Variants in PPARD observed in about 807,000 individuals in gnomAD.
PPARD encodes the protein peroxisome proliferator activated receptor delta.
Under a neutral mutation model 39.5 loss-of-function variants are expected in PPARD, and 6 were observed. That is an observed-to-expected ratio of 0.15 (90% CI 0.08 to 0.30). PPARD has a LOEUF of 0.30. Ranked by LOEUF, PPARD falls within the 10% of genes least tolerant of loss-of-function variation. The pLI is 1.00. For missense variants in PPARD, 397 were observed against 596.8 expected (o/e 0.67, Z 3.49); for synonymous variants, 210 against 231.3 (o/e 0.91, Z 0.83).
Position 35,401,942 on chromosome 6 carries a change from G to T in PPARD, c.-101-9045G>T, listed in dbSNP as rs2150733533. ...TGGTGAGTCTCTCTGCTGGCCGGCAGAACCACCCTACCCTGGAAGCCCTCT... is the reference window on the plus strand; with the variant it reads ...TGGTGAGTCTCTCTGCTGGCCGGCATAACCACCCTACCCTGGAAGCCCTCT... On this transcript the variant is annotated intron_variant, in intron 2 of 7. Transcript: ENST00000360694. This position sits in a 1 kb window ranked among gnomAD's most constrained non-coding sequence, Gnocchi z 4.1. 6.6e-6 allele frequency among the ~76,000 whole-genome samples: 1 copy of T among 152,098 alleles called. No homozygotes were observed. The highest frequency in any genetic ancestry group is 1.9e-4 in the East Asian group (1 of 5,172).
chr6:35,377,869 A>ATATTTTTTTTTTTTTTTTTTT (rs1478712456), intron 2 of PPARD, among the ~76,000 whole-genome samples: 1 of 103,088 alleles, frequency 9.7e-6, no homozygotes, highest in African/African-American at 9.4e-5. Context: ...TTGTTTACGT[A>ATATTTTTTTTTTTTTTTTTTT]TCTTTTTTTT....
At chr6:35,423,053 A>AT (rs1235203323) in intron 5 of PPARD, among the ~76,000 whole-genome samples, 1 of 101,562 alleles carries the variant, frequency 9.8e-6, no homozygotes, top group Non-Finnish European at 2.1e-5. Context: ...CCTCATCTCT[A>AT]CAAAAAAAAA....
At position 35,425,346 on chromosome 6, in the gene PPARD, T is replaced by C. The variant is rs1766502774; in HGVS notation, c.1079-486T>C. On this transcript the variant is annotated intron_variant, in intron 7 of 7. Coordinates refer to ENST00000360694, the MANE Select transcript of PPARD (RefSeq NM_006238.5). This position sits in a 1 kb window ranked among gnomAD's most constrained non-coding sequence, Gnocchi z 4.5. Reference sequence around the variant, plus strand: ...GGGGTGGAAAAATTGTCTGCATTTTTTCTGCATTTTTAAAATTCCAACACA... The same window carrying C: ...GGGGTGGAAAAATTGTCTGCATTTTCTCTGCATTTTTAAAATTCCAACACA... 1 of 1,010,724 alleles carries C rather than the reference T, an allele frequency of 9.9e-7. No homozygotes were observed. The highest frequency in any genetic ancestry group is 1.7e-5 in the African/African-American group (1 of 57,760). 62.6% of individuals were successfully genotyped at this position (1,010,724 alleles called of 1,614,324 possible).
chr6:35,406,037 G>C lies in PPARD; in HGVS notation c.-101-4950G>C, dbSNP rs1249697456. Among the ~76,000 whole-genome samples, 3 of 151,800 alleles carry C rather than the reference G, an allele frequency of 2.0e-5. No individual in the cohort carries two copies. The South Asian group carries it at 6.2e-4, about 31-fold the overall frequency. On this transcript the variant is annotated intron_variant, in intron 2 of 7. Coordinates refer to ENST00000360694, the MANE Select transcript of PPARD (RefSeq NM_006238.5). ...TCCCCTCCGGGTTCAAGTGATTCTCGTGCCTCAGCCTCCGAGTAGCTGGGA... is the reference window on the plus strand; with the variant it reads ...TCCCCTCCGGGTTCAAGTGATTCTCCTGCCTCAGCCTCCGAGTAGCTGGGA...
intron 2 of PPARD, among the ~76,000 whole-genome samples, chr6:35,399,845 A>G (rs145549439): frequency 6.6e-6 from 1 of 152,368 alleles, no homozygotes; most frequent in East Asian, 1.9e-4. Context: ...CTATGAAAAC[A>G]TGAGTTTAAT....
At chr6:35,369,456 C>G (rs1418203323) in intron 2 of PPARD, among the ~76,000 whole-genome samples, 2 of 152,198 alleles carry the variant, frequency 1.3e-5, no homozygotes, top group South Asian at 4.1e-4. Flanking sequence ...ATTCCCGCCT[C>G]GATGCCCCAT....
rs188715297 is a variant in PPARD at position 35,365,603 on chromosome 6, G to C, written c.-102+18453G>C. ...GCCTCCTGGGTCAAGCGATTCTCCC[G>C]CCTCAGCCTCCTGAGTAGCTGGGAT... On this transcript the variant is annotated intron_variant, in intron 2 of 7. Coordinates refer to ENST00000360694, the MANE Select transcript of PPARD (RefSeq NM_006238.5). Among the ~76,000 whole-genome samples the C allele has an allele frequency of 1.4e-3, 213 of 151,078 alleles. 3 individuals carry two copies. The highest frequency in any genetic ancestry group is 0.014 in the Admixed American group (206 of 15,234).
chr6:35,425,953 G>A lies in PPARD; in HGVS notation c.1200G>A (p.Leu400=). Residue 400 remains leucine (L), a synonymous_variant, in exon 8 of 8, where the codon CTG becomes CTA. Coordinates refer to ENST00000360694, the MANE Select transcript of PPARD (RefSeq NM_006238.5). The surrounding 1 kb of genome is among the most constrained non-coding windows in gnomAD (Gnocchi z 4.5). Reference sequence around the variant, plus strand: ...CCCAGTACCTCTTCCCCAAGCTGCTGCAGAAGATGGCTGACCTGCGGCAAC... The same window carrying A: ...CCCAGTACCTCTTCCCCAAGCTGCTACAGAAGATGGCTGACCTGCGGCAAC... ...PDAQYLFPKL[L]QKMADLRQLV... is the part of the protein sequence containing the mutation. The A allele has an allele frequency of 6.2e-7, 1 of 1,614,136 alleles. No homozygotes were observed. The highest frequency in any genetic ancestry group is 8.5e-7 in the Non-Finnish European group (1 of 1,180,008).
chr6:35,424,059 A>G lies in PPARD; in HGVS notation c.538A>G (p.Lys180Glu). 6.2e-7 allele frequency: 1 copy of G among 1,614,158 alleles called. No individual in the cohort carries two copies. The highest frequency in any genetic ancestry group is 8.5e-7 in the Non-Finnish European group (1 of 1,180,020). Residue 180 changes from lysine (K) to glutamate (E), a missense_variant, in exon 6 of 8, where the codon AAG (lysine) becomes GAG (glutamate). Lys to Glu is a moderately conservative substitution (Grantham distance 56). Transcript: ENST00000360694. The surrounding 1 kb of genome is among the most constrained non-coding windows in gnomAD (Gnocchi z 7.1). ...GGTGGCCGACCTGAAGGCCTTCTCC[A>G]AGCACATCTACAATGCCTACCTGAA... ...PQVADLKAFS[K>E]HIYNAYLKNF...
chr6:35,419,744 C>T (rs1766016012), intron 3 of PPARD, among the ~76,000 whole-genome samples: 2 of 152,200 alleles, frequency 1.3e-5, no homozygotes, highest in Admixed American at 6.5e-5. Flanking sequence ...AGGAGAGCTG[C>T]TTCCTAAGGG....
chr6:35,408,097 G>A lies in PPARD; in HGVS notation c.-101-2890G>A, dbSNP rs559638356. On this transcript the variant is annotated intron_variant, in intron 2 of 7. Coordinates refer to ENST00000360694, the MANE Select transcript of PPARD (RefSeq NM_006238.5). ...GAGGCCACAGTGGCCAGGTGCTTTC[G>A]GACTTTTCACCCACCCTCCTACCCT... Among the ~76,000 whole-genome samples the A allele has an allele frequency of 1.4e-4, 21 of 152,304 alleles. No homozygotes were observed. In the South Asian group the frequency reaches 3.3e-3, roughly 24 times the overall value.
Position 35,366,793 on chromosome 6 carries a change from A to C in PPARD, c.-102+19643A>C, listed in dbSNP as rs1484481688. On this transcript the variant is annotated intron_variant, in intron 2 of 7. Transcript: ENST00000360694. The surrounding 1 kb of genome is among the most constrained non-coding windows in gnomAD (Gnocchi z 4.6). ...TTGAACTCCTGGCCTCAAGTAATCC[A>C]CCCACTTTGGCCTCCCAAAGTGCTG... is the stretch of plus-strand genomic sequence containing the variant. Among the ~76,000 whole-genome samples, 2 of 152,084 alleles carry C rather than the reference A, an allele frequency of 1.3e-5. No individual in the cohort carries two copies. Among genetic ancestry groups the C allele is most frequent in the Non-Finnish European group, 2.9e-5 (2 of 68,010 alleles).
At chr6:35,361,195 G>A (rs1183590597) in intron 2 of PPARD, among the ~76,000 whole-genome samples, 3 of 152,176 alleles carry the variant, frequency 2.0e-5, no homozygotes, top group Non-Finnish European at 4.4e-5. Context: ...GCATGGGGGT[G>A]ATAACTGTAG....
At chr6:35,375,992 A>G (rs182830118) in intron 2 of PPARD, among the ~76,000 whole-genome samples, 1 of 152,306 alleles carries the variant, frequency 6.6e-6, no homozygotes, top group East Asian at 1.9e-4. Context: ...TTCTCTGTAT[A>G]TGTATATATG....
At chr6:35,385,696 A>T (rs779430719) in intron 2 of PPARD, among the ~76,000 whole-genome samples, 77 of 150,398 alleles carry the variant, frequency 5.1e-4, no homozygotes, top group Non-Finnish European at 9.7e-4. Context: ...CCTGCCAGGG[A>T]CTCCTGTGGC....
Position 35,411,055 on chromosome 6 carries a change from G to A in PPARD, c.-33G>A. On this transcript the variant is annotated 5_prime_UTR_variant, in exon 3 of 8. Coordinates refer to ENST00000360694, the MANE Select transcript of PPARD (RefSeq NM_006238.5). The stretch of plus-strand genomic sequence containing the variant: ...CAGACGATGCCAGAGCTATGACTGG[G>A]CCTGCAGGTGTGGCGCCGAGGGGAG... The A allele has an allele frequency of 2.0e-6, 3 of 1,476,576 alleles. No individual in the cohort carries two copies. The highest frequency in any genetic ancestry group is 2.6e-5 in the East Asian group (1 of 38,868). 91.5% of individuals were successfully genotyped at this position (1,476,576 alleles called of 1,614,324 possible).
chr6:35,353,789 G>A (rs756584346), intron 2 of PPARD, among the ~76,000 whole-genome samples: 5 of 152,102 alleles, frequency 3.3e-5, no homozygotes, highest in Non-Finnish European at 5.9e-5. Context: ...CTGAGAGAAG[G>A]CTCCGTATGG....
At chr6:35,386,011 G>A (rs1763632417) in intron 2 of PPARD, among the ~76,000 whole-genome samples, 1 of 152,118 alleles carries the variant, frequency 6.6e-6, no homozygotes, top group Admixed American at 6.6e-5. Context: ...ATCCTTATGA[G>A]GTTGGACTGT....
chr6:35,374,733 G>GGGAC (rs1013432753), intron 2 of PPARD, among the ~76,000 whole-genome samples: 2 of 151,638 alleles, frequency 1.3e-5, no homozygotes, highest in African/African-American at 4.9e-5. Flanking sequence ...AACTACTTAC[G>GGGAC]GGACATCTTC....
Sources: gnomAD v4.1 joint callset for allele counts (sites outside exome capture counted in the v4.1 genomes callset) on GRCh38, gnomAD v4.1.1 for gene constraint, Gnocchi (gnomAD v3.1) non-coding constraint, MANE v1.5 for transcripts, NCBI Gene and HGNC (gene_info 2026-07-23, HGNC 2026-07-21) for gene names.